The following LGR6 variants were observed in gnomAD, a reference collection of about 807,000 sequenced individuals.
LGR6 encodes leucine-rich repeat-containing G protein-coupled receptor 6.
Under a neutral mutation model 69.4 loss-of-function variants are expected in LGR6, and 45 were observed. The ratio of observed to expected loss-of-function variants is 0.65; its 90% confidence interval spans 0.51 to 0.83. LGR6 has a LOEUF of 0.83. Among genes scored for constraint, LGR6 ranks in the 40% least tolerant of loss-of-function variants. LGR6 has a pLI of 0.00. For missense variants in LGR6, 1,108 were observed against 1,246.7 expected, an observed-to-expected ratio of 0.89 and a Z score of 1.68; for synonymous variants, 538 against 555.0, an observed-to-expected ratio of 0.97 and a Z score of 0.43.
chr1:202,282,142 G>A (rs1666056506), intron 6 of LGR6, among the ~76,000 whole-genome samples: 1 of 152,196 alleles, frequency 6.6e-6, no homozygotes, highest in African/African-American at 2.4e-5. Flanking sequence ...CTGAGGTGTG[G>A]GGGACATGCC....
rs769424278 is a variant in LGR6, at chr1:202,286,759, G to A, written c.716+5907G>A. On this transcript the variant is annotated intron_variant, in intron 6 of 17. Transcript: ENST00000367278. The stretch of plus-strand genomic sequence containing the variant: ...AAAATTTTTTTTTCTGGCTTCCCCC[G>A]CAGAACCACTAATCACTTTAAACAG... Among the ~76,000 whole-genome samples, 55 of 152,028 alleles carry A rather than the reference G, an allele frequency of 3.6e-4. 1 individual carries two copies. Among genetic ancestry groups the A allele is most frequent in the South Asian group, 2.7e-3 (13 of 4,796 alleles).
At chr1:202,204,907 A>AAC (rs1233744768) in intron 1 of LGR6, among the ~76,000 whole-genome samples, 1 of 3,178 alleles carries the variant, frequency 3.1e-4, no homozygotes, top group Non-Finnish European at 5.8e-4. Context: ...CACACCTCCA[A>AAC]ACACACACAC....
intron 2 of LGR6, 51 bp downstream of exon 2, chr1:202,225,545 T>A: frequency 1.3e-6 from 2 of 1,508,180 alleles, no homozygotes; most frequent in Non-Finnish European, 1.8e-6. Flanking sequence ...CTGTCTAATA[T>A]CTCTGGAACC....
chr1:202,266,904 G>GCGCA (rs552482997), intron 4 of LGR6, among the ~76,000 whole-genome samples: 11 of 150,906 alleles, frequency 7.3e-5, no homozygotes, highest in South Asian at 2.1e-4. Context: ...TCTAACGCGC[G>GCGCA]CACACACACA....
At chr1:202,305,589 C>A in intron 11 of LGR6, 95 bp from the exon 12 acceptor site, 2 of 1,045,576 alleles carry the variant, frequency 1.9e-6, no homozygotes, top group Non-Finnish European at 1.5e-6. Context: ...AGCTAATTGA[C>A]AGGAAAGCAC....
At chr1:202,297,671 T>C in intron 7 of LGR6, 95 bp downstream of exon 7, 2 of 926,418 alleles carry the variant, frequency 2.2e-6, no homozygotes, top group Non-Finnish European at 3.4e-6. Flanking sequence ...CCTCCTCACC[T>C]CCCATGGTCC....
intron 4 of LGR6, among the ~76,000 whole-genome samples, chr1:202,262,832 C>T (rs1190005933): frequency 6.6e-6 from 1 of 152,202 alleles, no homozygotes; most frequent in African/African-American, 2.4e-5. Context: ...TCATTATCAC[C>T]TACAATGCAA....
intron 16 of LGR6, among the ~76,000 whole-genome samples, chr1:202,311,685 T>C (rs190105651): frequency 1.3e-5 from 2 of 152,032 alleles, no homozygotes; most frequent in Non-Finnish European, 2.9e-5. Context: ...AATAAATAAG[T>C]AAATGAGAAA....
chr1:202,222,371 G>A lies in LGR6; in HGVS notation c.213-3052G>A, dbSNP rs1396473568. 3.3e-5 allele frequency among the ~76,000 whole-genome samples: 5 copies of A among 152,272 alleles called. No individual in the cohort carries two copies. The South Asian group carries it at 6.2e-4, about 19-fold the overall frequency. On this transcript the variant is annotated intron_variant, in intron 1 of 17. Coordinates refer to ENST00000367278, the MANE Select transcript of LGR6 (RefSeq NM_001017403.2). ...GGGTTCAGGCCCCCTCCTCCGCAGG[G>A]GAGAACAATGAGGCCGCTAGTCAGG...
At chr1:202,232,388 T>C (rs1661160665) in intron 3 of LGR6, among the ~76,000 whole-genome samples, 1 of 152,180 alleles carries the variant, frequency 6.6e-6, no homozygotes, top group Non-Finnish European at 1.5e-5. Flanking sequence ...TGTTGAGGAC[T>C]AGACTTCTAC....
rs73085675 is a variant in LGR6 at position 202,200,402 on chromosome 1, G to C, written c.212+6201G>C. Among the ~76,000 whole-genome samples the C allele has an allele frequency of 4.0e-3, 610 of 152,324 alleles. 6 individuals are homozygous for C. The highest frequency in any genetic ancestry group is 0.014 in the African/African-American group (588 of 41,566). On this transcript the variant is annotated intron_variant, in intron 1 of 17. Transcript: ENST00000367278. The stretch of plus-strand genomic sequence containing the variant: ...AGTGTTGTTGTGGGGGTTGGGGGCA[G>C]ACATGCCCTGAGGGGCCGTGAGGAT...
In LGR6 at chr1:202,276,421, C is replaced by A; in HGVS notation, c.544C>A (p.Leu182Ile). ...NALTEIPVRA[L>I]NNLPALQAMT... Reference sequence around the variant, plus strand: ...ACTCACGGAGATCCCTGTCAGGGCCCTCAACAACCTCCCTGCCCTGCAGGC... The same window carrying A: ...ACTCACGGAGATCCCTGTCAGGGCCATCAACAACCTCCCTGCCCTGCAGGC... Residue 182 changes from leucine to isoleucine, a missense_variant, in exon 5 of 18, where the codon CTC becomes ATC. By Grantham distance (5) the Leu-to-Ile change is conservative. Coordinates refer to ENST00000367278, the MANE Select transcript of LGR6 (RefSeq NM_001017403.2). The A allele has an allele frequency of 1.2e-6, 2 of 1,614,194 alleles. No individual in the cohort carries two copies. The highest frequency in any genetic ancestry group is 1.7e-6 in the Non-Finnish European group (2 of 1,180,012).
chr1:202,232,019 G>A (rs1240935029), intron 3 of LGR6, among the ~76,000 whole-genome samples: 1 of 152,000 alleles, frequency 6.6e-6, no homozygotes, highest in South Asian at 2.1e-4. Context: ...TTGAGCCCGG[G>A]AGGTGGAGGT....
chr1:202,202,128 T>TAAC (rs1405827650), intron 1 of LGR6, among the ~76,000 whole-genome samples: 2 of 152,070 alleles, frequency 1.3e-5, no homozygotes, highest in Admixed American at 1.3e-4. Context: ...CAGAAGGACT[T>TAAC]AACTCAGGGC....
At chr1:202,200,702 C>T (rs1207591498) in intron 1 of LGR6, among the ~76,000 whole-genome samples, 1 of 152,196 alleles carries the variant, frequency 6.6e-6, no homozygotes, top group Non-Finnish European at 1.5e-5. Flanking sequence ...GGAGTGATCT[C>T]CAGTCCCTAA....
chr1:202,221,652 A>C (rs897817294), intron 1 of LGR6, among the ~76,000 whole-genome samples: 1 of 152,186 alleles, frequency 6.6e-6, no homozygotes, highest in African/African-American at 2.4e-5. Context: ...GCATAGGTAC[A>C]GATAAACACA....
At position 202,193,846 on chromosome 1, in the gene LGR6, ACCG is replaced by A. The variant is rs1049675665; in HGVS notation, c.-129_-127del. 522 of 346,454 alleles carry A rather than the reference ACCG, an allele frequency of 1.5e-3. 3 individuals carry two copies. In the East Asian group the frequency reaches 0.018, roughly 12 times the overall value. 21.5% of individuals were successfully genotyped at this position (346,454 alleles called of 1,614,324 possible). A position where few individuals can be genotyped will look rare whatever the true frequency, so the allele number is the denominator to read the frequency against. ...CTGACTGCACCGTCCCGGCGCTCCC[ACCG>A]CCGCCGCCGCCGCCCAATAGAGCCC... is the stretch of plus-strand genomic sequence containing the variant. On this transcript the variant is annotated 5_prime_UTR_variant, in exon 1 of 18. Transcript: ENST00000367278.
intron 4 of LGR6, among the ~76,000 whole-genome samples, chr1:202,237,959 T>C (rs981874868): frequency 6.8e-6 from 1 of 147,652 alleles, no homozygotes; most frequent in Non-Finnish European, 1.5e-5. Flanking sequence ...AGATCAAATA[T>C]ATAGTCAATG....
intron 1 of LGR6, among the ~76,000 whole-genome samples, chr1:202,217,571 C>T (rs746594586): frequency 8.5e-5 from 13 of 152,214 alleles, no homozygotes; most frequent in Non-Finnish European, 1.3e-4. Context: ...CTTCGGGCGA[C>T]ACTGTGGGTG....
Sources: allele counts gnomAD v4.1 joint callset (sites outside exome capture counted in the v4.1 genomes callset), GRCh38; gene constraint gnomAD v4.1.1; transcripts MANE v1.5; gene names NCBI Gene and HGNC (gene_info 2026-07-23, HGNC 2026-07-21).